Variants in COMMD1 observed in about 807,000 individuals in gnomAD.
The protein encoded by COMMD1 is COMM domain-containing protein 1.
In COMMD1, 10 loss-of-function variants were observed where a neutral mutation model predicts 17.2. The observed-to-expected ratio is 0.58, with a 90% confidence interval of 0.36 to 0.99. COMMD1 has a LOEUF of 0.99. Ranked by LOEUF, COMMD1 falls within the 50% of genes least tolerant of loss-of-function variation. The pLI, the probability that COMMD1 is intolerant of heterozygous loss-of-function variation, is 0.01. For synonymous variants in COMMD1, 97 were observed against 91.6 expected, an observed-to-expected ratio of 1.06 and a Z score of -0.34; for missense variants, 270 against 231.8, an observed-to-expected ratio of 1.17 and a Z score of -1.07.
intron 1 of COMMD1, among the ~76,000 whole-genome samples, chr2:61,991,691 A>G (rs1471808233): frequency 1.3e-5 from 2 of 152,230 alleles, no homozygotes; most frequent in African/African-American, 4.8e-5. Context: ...ATTTCAGAAC[A>G]TTTAGAATAG....
chr2:61,888,472 A>T (rs1273022351), upstream of COMMD1: 1 of 1,612,020 alleles, frequency 6.2e-7, no homozygotes, highest in Non-Finnish European at 8.5e-7. Context: ...CAGCCCCGGC[A>T]GTCGCCCCGC....
intron 2 of COMMD1, among the ~76,000 whole-genome samples, chr2:62,123,436 C>T (rs1035506040): frequency 1.4e-5 from 2 of 147,846 alleles, no homozygotes; most frequent in Non-Finnish European, 3.0e-5. Context: ...ACCCGGGAGG[C>T]GGAGGGTGTA....
chr2:61,984,082 G>A (rs979768602), intron 1 of COMMD1, among the ~76,000 whole-genome samples: 6 of 152,272 alleles, frequency 3.9e-5, no homozygotes, highest in African/African-American at 1.2e-4. Context: ...GGAGTACAGC[G>A]GCATGATCTC....
At chr2:61,995,325 A>T (rs1000241058) in intron 1 of COMMD1, among the ~76,000 whole-genome samples, 1 of 152,144 alleles carries the variant, frequency 6.6e-6, no homozygotes, top group Non-Finnish European at 1.5e-5. Flanking sequence ...CATTACGTAT[A>T]TATAACAATG....
chr2:61,938,514 T>G (rs1670658399), intron 1 of COMMD1, among the ~76,000 whole-genome samples: 1 of 152,230 alleles, frequency 6.6e-6, no homozygotes, highest in South Asian at 2.1e-4. Flanking sequence ...ACTTGACCTT[T>G]TCCCTTTAAC....
chr2:61,888,864 C>A, intron 1 of COMMD1: 1 of 276,914 alleles, frequency 3.6e-6, no homozygotes, highest in Non-Finnish European at 6.8e-6. Context: ...CGCATTTCCT[C>A]ACTCCACCTT....
At chr2:62,129,402 C>T (rs1208058598) in intron 2 of COMMD1, among the ~76,000 whole-genome samples, 3 of 152,110 alleles carry the variant, frequency 2.0e-5, no homozygotes, top group East Asian at 1.9e-4. Context: ...AAATAATCAG[C>T]ACAGTTTTCA....
intron 1 of COMMD1, among the ~76,000 whole-genome samples, chr2:61,936,320 C>T (rs1459395213): frequency 6.6e-6 from 1 of 152,076 alleles, no homozygotes; most frequent in Non-Finnish European, 1.5e-5. Flanking sequence ...GAGGCAGTCA[C>T]TTATGTTGAA....
In COMMD1 at chr2:62,081,017, G is replaced by GA. The variant is rs943145238; in HGVS notation, c.463-54804dup. Among the ~76,000 whole-genome samples, 270 of 148,360 alleles carry GA rather than the reference G, an allele frequency of 1.8e-3. 2 individuals are homozygous for GA. The highest frequency in any genetic ancestry group is 5.7e-3 in the African/African-American group (230 of 40,576). On this transcript the variant is annotated intron_variant, in intron 2 of 2. Transcript: ENST00000311832. ...TTGGTGTTTTTGCTACTACAAACCA[G>GA]AAAAAAAAAATTCTATATGTATATA...
intron 2 of COMMD1, among the ~76,000 whole-genome samples, chr2:62,049,071 G>A (rs771671541): frequency 6.6e-6 from 1 of 152,020 alleles, no homozygotes; most frequent in Non-Finnish European, 1.5e-5. Flanking sequence ...CACATTACAT[G>A]CAATAGAAAT....
intron 2 of COMMD1, among the ~76,000 whole-genome samples, chr2:62,081,337 C>T (rs113238833): frequency 2.6e-5 from 4 of 151,584 alleles, no homozygotes; most frequent in South Asian, 2.1e-4. Flanking sequence ...CTGCAACCTC[C>T]GCCTCCCGGG....
In COMMD1 at chr2:62,099,565, A is replaced by G. The variant is rs1187868490; in HGVS notation, c.463-36266A>G. Among the ~76,000 whole-genome samples the G allele has an allele frequency of 5.4e-5, 8 of 148,354 alleles. No individual in the cohort carries two copies. In the East Asian group the frequency reaches 1.6e-3, roughly 29 times the overall value. ...CTCTCTTTTGGAGGGTTTATTTGCT[A>G]TCTCTCTCTTTTTTTTTTTTTTAAG... On this transcript the variant is annotated intron_variant, in intron 2 of 2. Coordinates refer to ENST00000311832, the MANE Select transcript of COMMD1 (RefSeq NM_152516.4).
chr2:61,905,712 C>A lies in COMMD1; in HGVS notation c.34C>A (p.Leu12Met), dbSNP rs139682381. Residue 12 changes from leucine to methionine, a missense_variant, in exon 1 of 3, where the codon CTG becomes ATG. Physicochemically the swap from Leu to Met is conservative, Grantham distance 15. Coordinates refer to ENST00000311832, the MANE Select transcript of COMMD1 (RefSeq NM_152516.4). ...GGGCGAGCTTGAGGGTGGCAAACCC[C>A]TGAGCGGGCTGCTGAATGCGCTGGC... is the stretch of plus-strand genomic sequence containing the variant. ...AAGELEGGKP[L>M]SGLLNALAQD... The A allele has an allele frequency of 6.5e-5, 104 of 1,601,988 alleles. No individual in the cohort carries two copies. In the African/African-American group the frequency reaches 1.3e-3, roughly 20 times the overall value.
chr2:61,924,479 G>C (rs1006554280), intron 1 of COMMD1, among the ~76,000 whole-genome samples: 4 of 151,944 alleles, frequency 2.6e-5, no homozygotes, highest in Non-Finnish European at 5.9e-5. Context: ...TTGTCGAGGA[G>C]GGGAGAAATC....
upstream of COMMD1, among the ~76,000 whole-genome samples, chr2:61,903,151 A>G (rs896245925): frequency 6.6e-6 from 1 of 152,130 alleles, no homozygotes; most frequent in Non-Finnish European, 1.5e-5. Flanking sequence ...TCTATTGTAA[A>G]AAATGCCTCT....
chr2:62,102,109 GGAGCTGTGTGT>G (rs1672198859), intron 2 of COMMD1, among the ~76,000 whole-genome samples: 2 of 152,276 alleles, frequency 1.3e-5, no homozygotes, highest in Admixed American at 1.3e-4. Flanking sequence ...AAGGATTTTA[GGAGCTGTGTGT>G]GAGAAACCAT....
At chr2:62,053,904 G>A (rs1670614280) in intron 2 of COMMD1, among the ~76,000 whole-genome samples, 1 of 152,178 alleles carries the variant, frequency 6.6e-6, no homozygotes, top group Non-Finnish European at 1.5e-5. Flanking sequence ...AACCCACAGA[G>A]TAAAGAGACA....
rs74850889 is a variant in COMMD1, at chr2:61,969,036, G to A, written c.181-31665G>A. The A allele has an allele frequency of 3.2e-3, 1,438 of 444,582 alleles. 22 individuals carry two copies. Among genetic ancestry groups the A allele is most frequent in the African/African-American group, 0.027 (1,309 of 48,642 alleles). The allele number at this position is 444,582 out of a possible 1,614,324, so 27.5% of individuals were successfully genotyped here. ...TTCATAGGCACAATCATGGCACACC[G>A]TGGCCTTGAACTCCTGGGCTCAAGT... On this transcript the variant is annotated intron_variant, in intron 1 of 2. Transcript: ENST00000311832.
intron 2 of COMMD1, among the ~76,000 whole-genome samples, chr2:62,013,948 T>A (rs962982473): frequency 6.6e-6 from 1 of 152,246 alleles, no homozygotes; most frequent in Non-Finnish European, 1.5e-5. Flanking sequence ...TTTTTAAAAC[T>A]CTCAACTTAC....
Sources: allele counts gnomAD v4.1 joint callset (sites outside exome capture counted in the v4.1 genomes callset), GRCh38; gene constraint gnomAD v4.1.1; transcripts MANE v1.5; gene names NCBI Gene and HGNC (gene_info 2026-07-23, HGNC 2026-07-21).